Variants in NCKAP5 observed in about 807,000 individuals in gnomAD.
NCKAP5 encodes the protein nck-associated protein 5.
Under a neutral mutation model 167.0 loss-of-function variants are expected in NCKAP5, and 92 were observed. The ratio of observed to expected loss-of-function variants is 0.55; its 90% CI spans 0.47 to 0.66. The LOEUF (loss-of-function observed/expected upper bound fraction) is 0.66. NCKAP5 is among the 30% of genes least tolerant of loss of function. The pLI is 0.00. For synonymous variants in NCKAP5, 891 were observed against 877.4 expected, an observed-to-expected ratio of 1.02 and a Z score of -0.27; for missense variants, 2,378 against 2,315.0, an observed-to-expected ratio of 1.03 and a Z score of -0.56.
At position 132,795,983 on chromosome 2, in the gene NCKAP5, A is replaced by G. The variant is rs572484147; in HGVS notation, c.909+645T>C. On this transcript the variant is annotated intron_variant, in intron 12 of 19. Coordinates refer to ENST00000409261, the MANE Select transcript of NCKAP5 (RefSeq NM_207363.3). ...TAGGTCTTTATGAATGTTTAAAGTG[A>G]CAATATTCCACTGAAATTCAATTCA... Among the ~76,000 whole-genome samples, 7 of 151,938 alleles carry G rather than the reference A, an allele frequency of 4.6e-5. No individual in the cohort carries two copies. In the South Asian group the frequency reaches 1.5e-3, roughly 32 times the overall value.
intron 3 of NCKAP5, among the ~76,000 whole-genome samples, chr2:133,442,061 A>G (rs1307941528): frequency 6.6e-6 from 1 of 152,212 alleles, no homozygotes; most frequent in Admixed American, 6.5e-5. Context: ...ACAGAGTGCA[A>G]TGTCATAGGA....
chr2:133,539,746 G>A (rs180801079), intron 2 of NCKAP5, among the ~76,000 whole-genome samples: 1 of 152,172 alleles, frequency 6.6e-6, no homozygotes, highest in East Asian at 1.9e-4. Flanking sequence ...AGCACAGAGA[G>A]AAAAGTTGAA....
At chr2:132,818,513 C>T (rs528891696) in intron 11 of NCKAP5, among the ~76,000 whole-genome samples, 132 of 152,084 alleles carry the variant, frequency 8.7e-4, no homozygotes, top group African/African-American at 3.1e-3. Flanking sequence ...CCATCTCCAC[C>T]AAAAACACAA....
intron 4 of NCKAP5, 26 bp from the exon 5 acceptor site, chr2:133,213,805 G>A: frequency 1.2e-6 from 2 of 1,612,356 alleles, no homozygotes; most frequent in Non-Finnish European, 1.7e-6. Context: ...CACATGATTA[G>A]TTGACCATTC....
intron 3 of NCKAP5, among the ~76,000 whole-genome samples, chr2:133,492,941 A>T (rs1681598981): frequency 6.6e-6 from 1 of 152,214 alleles, no homozygotes; most frequent in Non-Finnish European, 1.5e-5. Flanking sequence ...TTTAAGGTAC[A>T]TGTGACTCAA....
At chr2:133,288,682 G>T in intron 4 of NCKAP5, among the ~76,000 whole-genome samples, 1 of 151,828 alleles carries the variant, frequency 6.6e-6, no homozygotes, top group Non-Finnish European at 1.5e-5. Flanking sequence ...CCCTGACCTT[G>T]CTCTGGTGCC....
chr2:133,017,731 C>CG (rs72237901), intron 6 of NCKAP5, among the ~76,000 whole-genome samples: 5 of 147,880 alleles, frequency 3.4e-5, no homozygotes, highest in Admixed American at 2.7e-4. Context: ...TCCCCGCCCC[C>CG]CCACTGTTTC....
intron 19 of NCKAP5, among the ~76,000 whole-genome samples, chr2:132,702,358 C>T (rs1027428733): frequency 6.6e-6 from 1 of 152,058 alleles, no homozygotes; most frequent in African/African-American, 2.4e-5. Context: ...AGCCTCTTCT[C>T]GCTCCTCAGG....
chr2:133,319,753 G>A (rs1681896708), intron 3 of NCKAP5, among the ~76,000 whole-genome samples: 2 of 152,200 alleles, frequency 1.3e-5, no homozygotes, highest in African/African-American at 4.8e-5. Context: ...AATTTACTAT[G>A]ATGAGGTTGT....
At chr2:132,698,968 C>T (rs1200305332) in intron 19 of NCKAP5, among the ~76,000 whole-genome samples, 3 of 152,244 alleles carry the variant, frequency 2.0e-5, no homozygotes, top group Admixed American at 6.5e-5. Flanking sequence ...TTCTGATACA[C>T]ACTCAAGCTT....
chr2:133,519,939 G>C (rs1684335496), intron 2 of NCKAP5, among the ~76,000 whole-genome samples: 1 of 152,132 alleles, frequency 6.6e-6, no homozygotes, highest in African/African-American at 2.4e-5. Context: ...TGTCATCCCA[G>C]CACTTTGGGA....
At chr2:132,720,162 C>T (rs1689771051) in intron 19 of NCKAP5, among the ~76,000 whole-genome samples, 1 of 152,176 alleles carries the variant, frequency 6.6e-6, no homozygotes, top group Non-Finnish European at 1.5e-5. Context: ...CCGCACATGC[C>T]TTCTCTGAGG....
At chr2:133,255,247 T>C (rs2088557831) in intron 4 of NCKAP5, among the ~76,000 whole-genome samples, 1 of 152,234 alleles carries the variant, frequency 6.6e-6, no homozygotes, top group South Asian at 2.1e-4. Context: ...CAAATATTTG[T>C]ATTTTCCTGC....
intron 11 of NCKAP5, among the ~76,000 whole-genome samples, chr2:132,798,117 C>A (rs1408297461): frequency 6.6e-6 from 1 of 152,142 alleles, no homozygotes; most frequent in Non-Finnish European, 1.5e-5. Context: ...CAAATTTCTC[C>A]AGCAGAGCTA....
intron 3 of NCKAP5, among the ~76,000 whole-genome samples, chr2:133,471,909 T>C (rs1460499904): frequency 6.6e-6 from 1 of 152,240 alleles, no homozygotes; most frequent in East Asian, 1.9e-4. Flanking sequence ...TGTTATGCTT[T>C]AGTTTGACAT....
At chr2:133,456,382 G>A (rs538205546) in intron 3 of NCKAP5, among the ~76,000 whole-genome samples, 10 of 151,980 alleles carry the variant, frequency 6.6e-5, no homozygotes, top group African/African-American at 7.3e-5. Flanking sequence ...TTCCCTCTCC[G>A]CCTTCTTGCT....
At chr2:133,309,939 C>T (rs1663261488) in intron 3 of NCKAP5, among the ~76,000 whole-genome samples, 2 of 152,144 alleles carry the variant, frequency 1.3e-5, no homozygotes, top group African/African-American at 4.8e-5. Flanking sequence ...CTTGTGAAAT[C>T]CTGCCAGCAA....
chr2:133,666,729 G>A, the NCKAP5 span, among the ~76,000 whole-genome samples: 5 of 151,872 alleles, frequency 3.3e-5, no homozygotes, highest in East Asian at 1.9e-4. Context: ...TAATGGAATC[G>A]ATTTAAATAC....
At chr2:132,842,973 G>T (rs1688400498) in intron 11 of NCKAP5, among the ~76,000 whole-genome samples, 1 of 152,028 alleles carries the variant, frequency 6.6e-6, no homozygotes, top group East Asian at 1.9e-4. Flanking sequence ...TTTGATACAA[G>T]AATTTTCTGG....
Sources: gnomAD v4.1 joint callset for allele counts (sites outside exome capture counted in the v4.1 genomes callset) on GRCh38, gnomAD v4.1.1 for gene constraint, MANE v1.5 for transcripts, NCBI Gene and HGNC (gene_info 2026-07-23, HGNC 2026-07-21) for gene names.